ABHD17B: variants seen among roughly 807,000 people sequenced by gnomAD.
The protein encoded by ABHD17B is abhydrolase domain containing 17B, depalmitoylase, also known as alpha/beta hydrolase domain-containing protein 17B.
ABHD17B carries 9 observed loss-of-function variants against 26.2 expected under a neutral mutation model. The ratio of observed to expected loss-of-function variants is 0.34; its 90% CI spans 0.21 to 0.60. ABHD17B has a LOEUF of 0.60. Ranked by LOEUF, ABHD17B falls within the 20% of genes least tolerant of loss-of-function variation. The pLI is 0.80. For missense variants in ABHD17B, 224 were observed against 352.1 expected (o/e 0.64, Z 2.91); for synonymous variants, 127 against 122.3 (o/e 1.04, Z -0.25).
chr9:71,875,286 C>T (rs183369178), intron 1 of ABHD17B, among the ~76,000 whole-genome samples: 8 of 149,932 alleles, frequency 5.3e-5, no homozygotes, highest in East Asian at 3.9e-4. Context: ...AGTGCAATGG[C>T]GCAATCTCAG....
At chr9:71,894,023 G>A (rs11143027) in intron 1 of ABHD17B, among the ~76,000 whole-genome samples, 121,189 of 148,680 alleles carry the variant, frequency 0.82, 50,007 homozygotes, top group East Asian at 0.93. Context: ...CCAGGACAGC[G>A]CTTGCAGCGA....
rs184492262 is a variant in ABHD17B at position 71,867,156 on chromosome 9, C to A, written c.648-150G>T. On this transcript the variant is annotated intron_variant, in intron 3 of 3. Coordinates refer to ENST00000333421, the MANE Select transcript of ABHD17B (RefSeq NM_001025780.3). ...TGTCTCCTGAATTTCCAGTAAGATTCAAAAATTGCCTTTTACATACTCCCT... is the reference window on the plus strand; with the variant it reads ...TGTCTCCTGAATTTCCAGTAAGATTAAAAAATTGCCTTTTACATACTCCCT... 447 of 996,434 alleles carry A rather than the reference C, an allele frequency of 4.5e-4. 2 individuals carry two copies. In the African/African-American group the frequency reaches 6.6e-3, roughly 15 times the overall value. 61.7% of individuals were successfully genotyped at this position (996,434 alleles called of 1,614,324 possible).
chr9:71,878,097 T>C (rs183291892), intron 1 of ABHD17B, among the ~76,000 whole-genome samples: 61 of 151,768 alleles, frequency 4.0e-4, no homozygotes, highest in African/African-American at 1.5e-3. Context: ...GGTTTTAGTA[T>C]AGTGTGAGCA....
intron 1 of ABHD17B, among the ~76,000 whole-genome samples, chr9:71,887,401 C>T (rs1279225620): frequency 6.6e-6 from 1 of 152,132 alleles, no homozygotes; most frequent in Non-Finnish European, 1.5e-5. Context: ...GCCAAGCAAA[C>T]TAATTTGGGT....
chr9:71,865,230 G>A lies in ABHD17B; in HGVS notation c.*1557C>T. ...TTCACAATACTTGATATACTTTGAA[G>A]AGAGTCATATACTATAGTCTTAAAC... is the stretch of plus-strand genomic sequence containing the variant. On this transcript the variant is annotated 3_prime_UTR_variant, in exon 4 of 4. Coordinates refer to ENST00000333421, the MANE Select transcript of ABHD17B (RefSeq NM_001025780.3). 2 of 985,560 alleles carry A rather than the reference G, an allele frequency of 2.0e-6. No homozygotes were observed. The highest frequency in any genetic ancestry group is 2.4e-6 in the Non-Finnish European group (2 of 829,832). 61.1% of individuals were successfully genotyped at this position (985,560 alleles called of 1,614,324 possible).
chr9:71,869,444 C>T (rs957390358), intron 3 of ABHD17B, among the ~76,000 whole-genome samples: 1 of 152,056 alleles, frequency 6.6e-6, no homozygotes, highest in Non-Finnish European at 1.5e-5. Flanking sequence ...AAAAATAGGC[C>T]ATTAATTTTT....
At chr9:71,880,848 T>C (rs553758607) in intron 1 of ABHD17B, among the ~76,000 whole-genome samples, 1 of 152,042 alleles carries the variant, frequency 6.6e-6, no homozygotes, top group East Asian at 1.9e-4. Flanking sequence ...AATGAAAATT[T>C]CAAGGTAATT....
intron 2 of ABHD17B, among the ~76,000 whole-genome samples, chr9:71,873,386 T>C (rs563422452): frequency 2.0e-5 from 3 of 152,126 alleles, no homozygotes; most frequent in Non-Finnish European, 4.4e-5. Flanking sequence ...TATTAAACAA[T>C]TTATCATAAC....
downstream of ABHD17B, among the ~76,000 whole-genome samples, chr9:71,863,780 T>C (rs569468221): frequency 2.6e-5 from 4 of 152,320 alleles, no homozygotes; most frequent in East Asian, 5.8e-4. Flanking sequence ...ATAAAATACA[T>C]TGTACATGCC....
At chr9:71,865,037 T>A (rs532752967), downstream of ABHD17B, 6 of 432,428 alleles carry the variant, frequency 1.4e-5, no homozygotes, top group African/African-American at 1.3e-4. Context: ...TCCAAAAAAG[T>A]GATGATATAA....
At chr9:71,890,016 T>C (rs976466575) in intron 1 of ABHD17B, among the ~76,000 whole-genome samples, 3 of 152,094 alleles carry the variant, frequency 2.0e-5, no homozygotes, top group East Asian at 1.9e-4. Flanking sequence ...ATCCCAGCAC[T>C]TTAGGAAGCA....
chr9:71,876,098 T>A (rs893186641), intron 1 of ABHD17B, among the ~76,000 whole-genome samples: 1 of 152,220 alleles, frequency 6.6e-6, no homozygotes, highest in Non-Finnish European at 1.5e-5. Context: ...CATGTATGTA[T>A]GTATGTAATT....
intron 3 of ABHD17B, among the ~76,000 whole-genome samples, chr9:71,868,205 C>T (rs1826012555): frequency 6.6e-6 from 1 of 151,416 alleles, no homozygotes; most frequent in African/African-American, 2.4e-5. Flanking sequence ...GGTGTCGCAG[C>T]GAGACTCTGT....
chr9:71,908,245 A>T (rs1589235800), intron 1 of ABHD17B, among the ~76,000 whole-genome samples: 2 of 152,218 alleles, frequency 1.3e-5, no homozygotes, highest in East Asian at 3.9e-4. Flanking sequence ...ACAAAAAATT[A>T]GCCGGGAGTG....
intron 1 of ABHD17B, among the ~76,000 whole-genome samples, chr9:71,881,970 C>T (rs1246370975): frequency 1.3e-5 from 2 of 151,234 alleles, no homozygotes; most frequent in African/African-American, 4.8e-5. Context: ...ATAGACATTT[C>T]TCCAAAAGAT....
chr9:71,897,581 T>A (rs946483307), intron 1 of ABHD17B, among the ~76,000 whole-genome samples: 1 of 152,246 alleles, frequency 6.6e-6, no homozygotes. Context: ...CAAAGGAAGT[T>A]ATATTCCTCG....
chr9:71,882,871 C>T (rs562383617), intron 1 of ABHD17B, among the ~76,000 whole-genome samples: 3 of 151,964 alleles, frequency 2.0e-5, no homozygotes, highest in South Asian at 2.1e-4. Context: ...CATTGCCGGG[C>T]GCAGTGGTTC....
chr9:71,877,833 G>A (rs1826323807), intron 1 of ABHD17B, among the ~76,000 whole-genome samples: 2 of 152,164 alleles, frequency 1.3e-5, no homozygotes, highest in African/African-American at 4.8e-5. Flanking sequence ...AAGCAGAAAG[G>A]AGAAAAACTG....
intron 3 of ABHD17B, among the ~76,000 whole-genome samples, chr9:71,867,877 T>C (rs899866385): frequency 6.6e-6 from 1 of 152,054 alleles, no homozygotes; most frequent in African/African-American, 2.4e-5. Flanking sequence ...AGAATGCTGG[T>C]AGTCAGGCCA....
Sources: allele counts gnomAD v4.1 joint callset (sites outside exome capture counted in the v4.1 genomes callset), GRCh38; gene constraint gnomAD v4.1.1; transcripts MANE v1.5; gene names NCBI Gene and HGNC (gene_info 2026-07-23, HGNC 2026-07-21).